NCOA2: variants seen among roughly 807,000 people sequenced by gnomAD.
The protein encoded by NCOA2 is nuclear receptor coactivator 2.
NCOA2 carries 21 observed loss-of-function variants against 145.1 expected under a neutral mutation model. That is an observed-to-expected ratio of 0.14 (90% confidence interval 0.10 to 0.21). The LOEUF is 0.21. Among genes scored for constraint, NCOA2 ranks in the 10% least tolerant of loss-of-function variants. The probability of loss-of-function intolerance (pLI) is 1.00; values close to 1 mark genes in which losing one functional copy is unlikely to be tolerated. For missense variants in NCOA2, 1,472 were observed against 1,837.6 expected (o/e 0.80, Z 3.64); for synonymous variants, 619 against 637.5 (o/e 0.97, Z 0.44).
chr8:70,416,695 G>A, the NCOA2 span, among the ~76,000 whole-genome samples: 4 of 152,144 alleles, frequency 2.6e-5, no homozygotes, highest in African/African-American at 9.7e-5. Context: ...CAAGACTGAG[G>A]GGCCAGATCT....
At chr8:70,390,639 C>T (rs1325063596) in intron 1 of NCOA2, among the ~76,000 whole-genome samples, 16 of 151,936 alleles carry the variant, frequency 1.1e-4, no homozygotes, top group Admixed American at 1.0e-3. Flanking sequence ...TAGTGGCGCA[C>T]ACCTGTGGTC....
chr8:70,415,004 C>T, the NCOA2 span, among the ~76,000 whole-genome samples: 13 of 152,002 alleles, frequency 8.6e-5, no homozygotes, highest in Non-Finnish European at 1.8e-4. Flanking sequence ...AGTTTCTACT[C>T]TAGTTCAAGT....
At chr8:70,126,147 A>T (rs1808389017) in intron 19 of NCOA2, among the ~76,000 whole-genome samples, 1 of 150,664 alleles carries the variant, frequency 6.6e-6, no homozygotes, top group Non-Finnish European at 1.5e-5. Context: ...TATTAACATT[A>T]ATGTAAGCAC....
chr8:70,171,015 T>C (rs1357619992), intron 5 of NCOA2, among the ~76,000 whole-genome samples: 3 of 152,202 alleles, frequency 2.0e-5, no homozygotes, highest in Non-Finnish European at 4.4e-5. Flanking sequence ...GACCTCAGCA[T>C]TGCCCTGACC....
the NCOA2 span, among the ~76,000 whole-genome samples, chr8:70,456,071 C>T: frequency 1.4e-5 from 2 of 147,640 alleles, no homozygotes; most frequent in East Asian, 2.0e-4. Context: ...TGTAACATTG[C>T]GTAGCAAAAA....
upstream of NCOA2, among the ~76,000 whole-genome samples, chr8:70,407,300 A>G (rs771807446): frequency 2.6e-5 from 4 of 152,230 alleles, no homozygotes; most frequent in Non-Finnish European, 4.4e-5. Flanking sequence ...AATGTCTAAT[A>G]TAAGTCAAGC....
chr8:70,286,924 G>C (rs995085716), intron 2 of NCOA2, among the ~76,000 whole-genome samples: 7 of 152,112 alleles, frequency 4.6e-5, no homozygotes, highest in Non-Finnish European at 1.5e-5. Flanking sequence ...TAGTCAAAAT[G>C]AAACAAAAAC....
At chr8:70,296,719 T>G (rs1323363743) in intron 2 of NCOA2, 25 bp downstream of exon 2, 2 of 152,172 alleles carry the variant, frequency 1.3e-5, no homozygotes, top group South Asian at 4.1e-4. Flanking sequence ...AAGTATCCAA[T>G]ATGAAGAATT....
intron 4 of NCOA2, among the ~76,000 whole-genome samples, chr8:70,190,443 A>G (rs1248945574): frequency 6.6e-6 from 1 of 152,234 alleles, no homozygotes; most frequent in East Asian, 1.9e-4. Context: ...GTATCCGAAT[A>G]TGGATTGGGA....
At chr8:70,298,438 G>A (rs1482818803) in intron 1 of NCOA2, among the ~76,000 whole-genome samples, 1 of 152,158 alleles carries the variant, frequency 6.6e-6, no homozygotes, top group Non-Finnish European at 1.5e-5. Flanking sequence ...ATGCAAATAA[G>A]AAGTTATCAC....
Position 70,137,142 on chromosome 8 carries a change from C to T in NCOA2, c.3158+1061G>A, listed in dbSNP as rs555744491. Among the ~76,000 whole-genome samples, 9 of 152,282 alleles carry T rather than the reference C, an allele frequency of 5.9e-5. No homozygotes were observed. The East Asian group carries it at 7.7e-4, about 13-fold the overall frequency. On this transcript the variant is annotated intron_variant, in intron 15 of 22. Coordinates refer to ENST00000452400, the MANE Select transcript of NCOA2 (RefSeq NM_006540.4). ...ACAACCTCTGCCTTCCGGGTTCAAG[C>T]GATTCTCCTGCCTCAGCCTCCCGAG... is the stretch of plus-strand genomic sequence containing the variant.
intron 22 of NCOA2, among the ~76,000 whole-genome samples, chr8:70,118,824 G>C (rs1249053349): frequency 6.6e-6 from 1 of 151,674 alleles, no homozygotes; most frequent in Non-Finnish European, 1.5e-5. Context: ...GAGTAGCTGG[G>C]ACTACAGGCG....
At chr8:70,216,799 T>C (rs756477635) in intron 2 of NCOA2, 35 bp from the exon 3 acceptor site, 12 of 1,303,474 alleles carry the variant, frequency 9.2e-6, no homozygotes, top group Non-Finnish European at 1.3e-5. Context: ...AAGAAAAAAA[T>C]GAAGAGAGCT....
chr8:70,359,155 G>A (rs945814441), intron 1 of NCOA2, among the ~76,000 whole-genome samples: 5 of 152,226 alleles, frequency 3.3e-5, no homozygotes, highest in Non-Finnish European at 7.4e-5. Context: ...TGCAGCTGCT[G>A]TGGAAAACAG....
chr8:70,138,051 T>C (rs1191798178), intron 15 of NCOA2, 152 bp downstream of exon 15: 1 of 717,354 alleles, frequency 1.4e-6, no homozygotes, highest in Non-Finnish European at 2.2e-6. Flanking sequence ...GTCATACTGA[T>C]TTCTGGATTC....
intron 15 of NCOA2, among the ~76,000 whole-genome samples, chr8:70,133,106 A>T (rs1809336869): frequency 6.7e-6 from 1 of 150,092 alleles, no homozygotes; most frequent in African/African-American, 2.5e-5. Flanking sequence ...GTGTGTAGTG[A>T]TGCCATCATG....
the NCOA2 span, among the ~76,000 whole-genome samples, chr8:70,433,767 T>C: frequency 0.57 from 86,382 of 151,998 alleles, 25,307 homozygotes; most frequent in East Asian, 0.72. Context: ...CGGTGACAAA[T>C]GCTTCCAGGT....
intron 2 of NCOA2, among the ~76,000 whole-genome samples, chr8:70,240,844 T>C (rs1457986613): frequency 6.6e-6 from 1 of 152,138 alleles, no homozygotes; most frequent in Non-Finnish European, 1.5e-5. Context: ...GCCTCAGAAT[T>C]CGCCAGTTCA....
intron 1 of NCOA2, among the ~76,000 whole-genome samples, chr8:70,346,543 A>T (rs962497670): frequency 2.4e-4 from 37 of 152,220 alleles, no homozygotes; most frequent in African/African-American, 8.9e-4. Context: ...AAACACTGTC[A>T]TAAGAAACTA....
Sources: allele counts gnomAD v4.1 joint callset (sites outside exome capture counted in the v4.1 genomes callset), GRCh38; gene constraint gnomAD v4.1.1; transcripts MANE v1.5; gene names NCBI Gene and HGNC (gene_info 2026-07-23, HGNC 2026-07-21).